The following KLHL7 variants were observed in gnomAD, a reference collection of about 807,000 sequenced individuals.
KLHL7 encodes the protein kelch-like protein 7.
A neutral mutation model predicts 67.4 loss-of-function variants in KLHL7; 44 were observed. The observed-to-expected ratio is 0.65, with a 90% CI of 0.51 to 0.84. The LOEUF (loss-of-function observed/expected upper bound fraction) is 0.84, where lower values mean the gene tolerates loss of function less well. Among genes scored for constraint, KLHL7 ranks in the 40% least tolerant of loss-of-function variants. The probability of loss-of-function intolerance (pLI) is 0.00; values close to 1 mark genes in which losing one functional copy is unlikely to be tolerated. For synonymous variants in KLHL7, 252 were observed against 243.3 expected, an observed-to-expected ratio of 1.04 and a Z score of -0.33; for missense variants, 362 against 718.1, an observed-to-expected ratio of 0.50 and a Z score of 5.67.
At chr7:23,123,257 TC>T (rs1462879467) in intron 1 of KLHL7, among the ~76,000 whole-genome samples, 5 of 152,334 alleles carry the variant, frequency 3.3e-5, no homozygotes, top group African/African-American at 9.6e-5. Context: ...TCATCTCCTC[TC>T]TGTATTCTGA....
At chr7:23,157,879 G>A (rs550665887) in intron 7 of KLHL7, among the ~76,000 whole-genome samples, 2 of 152,198 alleles carry the variant, frequency 1.3e-5, no homozygotes, top group Non-Finnish European at 2.9e-5. Context: ...AAGGGTCAGG[G>A]AGAGTGGAAA....
chr7:23,140,456 C>T (rs2128464287), intron 4 of KLHL7, among the ~76,000 whole-genome samples: 1 of 152,256 alleles, frequency 6.6e-6, no homozygotes, highest in Admixed American at 6.5e-5. Flanking sequence ...ACTCGGGAGG[C>T]TGAGGCAGGA....
chr7:23,106,150 C>A lies in KLHL7; in HGVS notation c.120+4C>A. 1 of 1,609,574 alleles carries A rather than the reference C, an allele frequency of 6.2e-7. No homozygotes were observed. The highest frequency in any genetic ancestry group is 1.1e-5 in the South Asian group (1 of 90,080). Reference sequence around the variant, plus strand: ...CATGAATAACATGCGGAAACAGGTACCGCCTCTGTGGGAGTGACGGACGAC... The same window carrying A: ...CATGAATAACATGCGGAAACAGGTAACGCCTCTGTGGGAGTGACGGACGAC... On this transcript the variant is annotated splice_donor_region_variant and intron_variant, in intron 1 of 10. Transcript: ENST00000339077.
intron 7 of KLHL7, among the ~76,000 whole-genome samples, chr7:23,152,633 C>T (rs891208699): frequency 1.3e-5 from 2 of 151,924 alleles, no homozygotes; most frequent in African/African-American, 4.8e-5. Flanking sequence ...TAGAAAACCA[C>T]AAAGAAAAAA....
intron 4 of KLHL7, chr7:23,129,609 T>G (rs1783720198): frequency 5.2e-6 from 1 of 191,132 alleles, no homozygotes; most frequent in Non-Finnish European, 1.1e-5. Context: ...CCCCAAACTG[T>G]GGGTATTGCT....
chr7:23,167,777 T>G, intron 8 of KLHL7, 59 bp from the exon 9 acceptor site: 2 of 1,501,168 alleles, frequency 1.3e-6, no homozygotes, highest in Non-Finnish European at 1.9e-6. Context: ...TACAGTCAGT[T>G]CTTTCCAAAC....
chr7:23,143,774 C>T, intron 5 of KLHL7, 77 bp from the exon 6 acceptor site: 1 of 1,407,498 alleles, frequency 7.1e-7, no homozygotes, highest in Non-Finnish European at 1.0e-6. Context: ...TCTCTCCCTT[C>T]AATATGAGAG....
chr7:23,113,633 C>T (rs763877495), intron 1 of KLHL7, among the ~76,000 whole-genome samples: 3 of 152,180 alleles, frequency 2.0e-5, no homozygotes, highest in Non-Finnish European at 4.4e-5. Context: ...GAGTTCACGA[C>T]TAACCTGGCC....
Position 23,106,037 on chromosome 7 carries a change from CTG to C in KLHL7, c.12_13del (p.Val6GlyfsTer19). On this transcript the variant is annotated frameshift_variant, in exon 1 of 11. Transcript: ENST00000339077. LOFTEE classifies it high-confidence loss of function. Reference sequence around the variant, plus strand: ...CCGAGCTGAGGGAGGATGGCAGCCTCTGGGGTGGAGAAGAGCAGCAAGAAGAA... The same window carrying C: ...CCGAGCTGAGGGAGGATGGCAGCCTCGGGTGGAGAAGAGCAGCAAGAAGAA... The C allele has an allele frequency of 6.2e-7, 1 of 1,610,240 alleles. No homozygotes were observed. Among genetic ancestry groups the C allele is most frequent in the South Asian group, 1.1e-5 (1 of 90,078 alleles).
chr7:23,165,482 G>A (rs925302210), intron 7 of KLHL7, among the ~76,000 whole-genome samples: 2 of 152,194 alleles, frequency 1.3e-5, no homozygotes, highest in Non-Finnish European at 2.9e-5. Context: ...AGGACCCAAA[G>A]CAGTCATGTG....
intron 1 of KLHL7, among the ~76,000 whole-genome samples, chr7:23,109,063 G>T (rs1782760329): frequency 6.6e-6 from 1 of 152,190 alleles, no homozygotes; most frequent in South Asian, 2.1e-4. Context: ...TACCAAACAG[G>T]AATTTTTGAG....
intron 1 of KLHL7, among the ~76,000 whole-genome samples, chr7:23,120,788 A>G (rs572219934): frequency 1.4e-3 from 216 of 151,918 alleles, no homozygotes; most frequent in Middle Eastern, 3.4e-3. Context: ...CTGGCCGTGA[A>G]CTCCTGGTTT....
intron 1 of KLHL7, among the ~76,000 whole-genome samples, chr7:23,112,051 A>G (rs1384814356): frequency 6.6e-6 from 1 of 152,180 alleles, no homozygotes; most frequent in African/African-American, 2.4e-5. Flanking sequence ...GATAACTGCC[A>G]TATGTGGTTG....
chr7:23,139,612 C>T (rs1209584416), intron 4 of KLHL7, among the ~76,000 whole-genome samples: 2 of 152,166 alleles, frequency 1.3e-5, no homozygotes, highest in East Asian at 3.8e-4. Context: ...TAACAAGCAT[C>T]AGCTTTGAGA....
intron 10 of KLHL7, 137 bp from the exon 11 acceptor site, chr7:23,173,877 TA>T: frequency 1.2e-6 from 1 of 840,556 alleles, no homozygotes; most frequent in Non-Finnish European, 1.9e-6. Context: ...ACATTCACTG[TA>T]AAATTATTAC....
intron 4 of KLHL7, among the ~76,000 whole-genome samples, chr7:23,133,146 A>G (rs1424772702): frequency 6.6e-6 from 1 of 152,130 alleles, no homozygotes; most frequent in Non-Finnish European, 1.5e-5. Context: ...TTCCATATAA[A>G]TTTTAGGATT....
At chr7:23,147,145 A>C (rs1401881704) in intron 6 of KLHL7, among the ~76,000 whole-genome samples, 1 of 144,680 alleles carries the variant, frequency 6.9e-6, no homozygotes, top group African/African-American at 2.6e-5. Flanking sequence ...GCTGGAGTGC[A>C]GTGGCATGAT....
At chr7:23,173,281 A>G (rs767691230) in intron 10 of KLHL7, among the ~76,000 whole-genome samples, 10 of 152,180 alleles carry the variant, frequency 6.6e-5, no homozygotes, top group Non-Finnish European at 1.3e-4. Context: ...GATGGCTCCT[A>G]TACATTCCCA....
intron 6 of KLHL7, among the ~76,000 whole-genome samples, chr7:23,146,620 T>C (rs951396606): frequency 8.5e-5 from 13 of 152,140 alleles, no homozygotes; most frequent in African/African-American, 3.1e-4. Flanking sequence ...AATTTTCCTC[T>C]TGTGCATTTA....
Sources: gnomAD v4.1 joint callset for allele counts (sites outside exome capture counted in the v4.1 genomes callset) on GRCh38, gnomAD v4.1.1 for gene constraint, MANE v1.5 for transcripts, NCBI Gene and HGNC (gene_info 2026-07-23, HGNC 2026-07-21) for gene names.